POU6F2: variants seen among roughly 807,000 people sequenced by gnomAD.
POU6F2 encodes the protein POU class 6 homeobox 2, also known as POU domain, class 6, transcription factor 2.
Under a neutral mutation model 71.3 loss-of-function variants are expected in POU6F2, and 31 were observed. That is an observed-to-expected ratio of 0.43 (90% CI 0.33 to 0.59). POU6F2 has a LOEUF of 0.59. POU6F2 is among the 20% of genes least tolerant of loss of function. The pLI is 0.04. For synonymous variants in POU6F2, 347 were observed against 355.7 expected, an observed-to-expected ratio of 0.98 and a Z score of 0.27; for missense variants, 783 against 856.8, an observed-to-expected ratio of 0.91 and a Z score of 1.07.
At chr7:39,009,019 T>G (rs1789179174) in intron 1 of POU6F2, among the ~76,000 whole-genome samples, 1 of 152,164 alleles carries the variant, frequency 6.6e-6, no homozygotes, top group Non-Finnish European at 1.5e-5. Flanking sequence ...CTTTTTTGGT[T>G]CCATATGAAC....
intron 5 of POU6F2, among the ~76,000 whole-genome samples, chr7:39,350,371 C>T (rs1414659797): frequency 2.6e-5 from 4 of 152,038 alleles, no homozygotes; most frequent in Non-Finnish European, 4.4e-5. Context: ...TCTCACTTCC[C>T]CCAAGGAAAG....
chr7:39,457,343 A>G (rs1308114831), intron 8 of POU6F2, among the ~76,000 whole-genome samples: 1 of 152,190 alleles, frequency 6.6e-6, no homozygotes, highest in Non-Finnish European at 1.5e-5. Context: ...TCGCTGATCT[A>G]GAGATGGGGC....
chr7:39,155,941 C>T (rs1262798389), intron 2 of POU6F2, among the ~76,000 whole-genome samples: 1 of 152,120 alleles, frequency 6.6e-6, no homozygotes, highest in African/African-American at 2.4e-5. Context: ...CTGAGGATTC[C>T]TTCTTGAGAA....
At chr7:39,011,154 A>C (rs936158068) in intron 1 of POU6F2, among the ~76,000 whole-genome samples, 4 of 137,976 alleles carry the variant, frequency 2.9e-5, no homozygotes, top group African/African-American at 1.1e-4. Context: ...AATGTGTGGG[A>C]GTCTAAGTCT....
intron 2 of POU6F2, among the ~76,000 whole-genome samples, chr7:39,193,996 A>C (rs1324731126): frequency 2.0e-5 from 3 of 152,232 alleles, no homozygotes; most frequent in African/African-American, 7.2e-5. Flanking sequence ...AGAAATGTGT[A>C]TATATGAAGG....
At chr7:39,251,353 A>G (rs1783911492) in intron 4 of POU6F2, among the ~76,000 whole-genome samples, 1 of 152,296 alleles carries the variant, frequency 6.6e-6, no homozygotes, top group African/African-American at 2.4e-5. Flanking sequence ...AAGTTATTAT[A>G]GTGAGCAGTG....
intron 4 of POU6F2, among the ~76,000 whole-genome samples, chr7:39,268,952 T>A (rs530768689): frequency 6.6e-6 from 1 of 152,346 alleles, no homozygotes; most frequent in East Asian, 1.9e-4. Flanking sequence ...TTAATAGTTG[T>A]AATCCTCACA....
At chr7:39,235,482 G>C (rs751035879) in intron 4 of POU6F2, among the ~76,000 whole-genome samples, 7 of 152,052 alleles carry the variant, frequency 4.6e-5, no homozygotes, top group Admixed American at 1.3e-4. Flanking sequence ...CTTCACCACC[G>C]GGCCACCCTG....
intron 3 of POU6F2, among the ~76,000 whole-genome samples, chr7:39,205,469 G>C (rs1793991354): frequency 6.6e-6 from 1 of 151,938 alleles, no homozygotes; most frequent in Non-Finnish European, 1.5e-5. Context: ...GCCCTGCCTT[G>C]AGCCCACAAA....
chr7:39,346,550 T>C (rs1415588905), intron 5 of POU6F2, among the ~76,000 whole-genome samples: 1 of 152,228 alleles, frequency 6.6e-6, no homozygotes, highest in Non-Finnish European at 1.5e-5. Flanking sequence ...CCACATACAC[T>C]GTCCAGTCCC....
At chr7:39,263,849 T>C (rs757900103) in intron 4 of POU6F2, among the ~76,000 whole-genome samples, 1 of 152,210 alleles carries the variant, frequency 6.6e-6, no homozygotes, top group African/African-American at 2.4e-5. Flanking sequence ...ACTTCACTGT[T>C]GTCTCTCCAG....
intron 4 of POU6F2, among the ~76,000 whole-genome samples, chr7:39,241,860 C>T (rs73126464): frequency 0.047 from 7,219 of 152,146 alleles, 233 homozygotes; most frequent in Middle Eastern, 0.11. Flanking sequence ...GAGACAAATT[C>T]CTCAAATATT....
chr7:39,073,390 A>C (rs1270897158), intron 1 of POU6F2, among the ~76,000 whole-genome samples: 2 of 152,046 alleles, frequency 1.3e-5, no homozygotes, highest in South Asian at 2.1e-4. Flanking sequence ...AAAAAAAAAA[A>C]AAAAACCTTC....
chr7:39,137,012 CAAA>C (rs11344179), intron 2 of POU6F2, among the ~76,000 whole-genome samples: 122 of 82,212 alleles, frequency 1.5e-3, no homozygotes, highest in Non-Finnish European at 2.2e-3. Context: ...GAGACCCTGT[CAAA>C]AAAAAAAAAA....
chr7:39,363,118 T>G (rs1250875724), intron 5 of POU6F2, among the ~76,000 whole-genome samples: 1 of 152,188 alleles, frequency 6.6e-6, no homozygotes, highest in Non-Finnish European at 1.5e-5. Flanking sequence ...ATTAAGAGAC[T>G]ACTGCAGCAA....
intron 4 of POU6F2, among the ~76,000 whole-genome samples, chr7:39,336,433 A>G (rs1413628368): frequency 6.6e-6 from 1 of 152,152 alleles, no homozygotes; most frequent in Non-Finnish European, 1.5e-5. Context: ...ACTTAGTGTC[A>G]TATTTTCAAG....
intron 7 of POU6F2, among the ~76,000 whole-genome samples, chr7:39,443,600 G>A (rs2237379): frequency 0.33 from 50,563 of 152,008 alleles, 9,355 homozygotes; most frequent in East Asian, 0.58. Flanking sequence ...ATGAGAACAC[G>A]CAATCAAGCT....
intron 2 of POU6F2, among the ~76,000 whole-genome samples, chr7:39,107,039 C>CTT (rs70977458): frequency 1.1e-4 from 15 of 130,914 alleles, no homozygotes; most frequent in South Asian, 7.3e-4. Flanking sequence ...TTCTTTCTTT[C>CTT]TTTTTTTTTT....
intron 4 of POU6F2, among the ~76,000 whole-genome samples, chr7:39,218,587 A>G (rs751862563): frequency 3.3e-5 from 5 of 152,156 alleles, no homozygotes; most frequent in Non-Finnish European, 5.9e-5. Flanking sequence ...GATCGATTTC[A>G]CAAATACTTA....
Sources: gnomAD v4.1 joint callset for allele counts (sites outside exome capture counted in the v4.1 genomes callset) on GRCh38, gnomAD v4.1.1 for gene constraint, MANE v1.5 for transcripts, NCBI Gene and HGNC (gene_info 2026-07-23, HGNC 2026-07-21) for gene names.